RASGRF2: variants seen among roughly 807,000 people sequenced by gnomAD.
RASGRF2 encodes the protein ras-specific guanine nucleotide-releasing factor 2.
In RASGRF2, 76 loss-of-function variants were observed where a neutral mutation model predicts 151.0. The ratio of observed to expected loss-of-function variants is 0.50; its 90% CI spans 0.42 to 0.61. The LOEUF is 0.61. RASGRF2 is among the 20% of genes least tolerant of loss of function. RASGRF2 has a pLI of 0.00. For missense variants in RASGRF2, 1,148 were observed against 1,564.6 expected, an observed-to-expected ratio of 0.73 and a Z score of 4.49; for synonymous variants, 504 against 566.5, an observed-to-expected ratio of 0.89 and a Z score of 1.57.
At chr5:81,056,734 C>T (rs1053979955) in intron 2 of RASGRF2, among the ~76,000 whole-genome samples, 12 of 152,038 alleles carry the variant, frequency 7.9e-5, no homozygotes, top group Admixed American at 2.0e-4. Flanking sequence ...GTGGTGTTAA[C>T]GTCTCCCATT....
At chr5:81,190,494 G>A (rs1755133250) in intron 18 of RASGRF2, among the ~76,000 whole-genome samples, 1 of 152,182 alleles carries the variant, frequency 6.6e-6, no homozygotes, top group Non-Finnish European at 1.5e-5. Context: ...AAAATTATCT[G>A]TGTGAAGTTA....
At position 81,227,867 on chromosome 5, in the gene RASGRF2, G is replaced by C. The variant is rs1014756550; in HGVS notation, c.*2097G>C. ...GATGGTTCTGTGTGCACTTTTTCTG[G>C]AAGTTCGGACTCATTTCTTTGACCC... On this transcript the variant is annotated 3_prime_UTR_variant, in exon 27 of 27. Transcript: ENST00000265080. 6.6e-6 allele frequency: 1 copy of C among 152,112 alleles called. No individual in the cohort carries two copies. 9.4% of individuals were successfully genotyped at this position (152,112 alleles called of 1,614,324 possible). A position where few individuals can be genotyped will look rare whatever the true frequency, so the allele number is the denominator to read the frequency against.
chr5:80,961,164 C>A, intron 1 of RASGRF2, 138 bp downstream of exon 1: 1 of 975,246 alleles, frequency 1.0e-6, no homozygotes, highest in Non-Finnish European at 1.4e-6. Flanking sequence ...TCACCAGTGG[C>A]GGGACATCTC....
chr5:81,206,845 G>A lies in RASGRF2; in HGVS notation c.2907G>A (p.Arg969=), dbSNP rs1348506078. Residue 969 remains arginine, a splice_region_variant and synonymous_variant, in exon 20 of 27, where the codon AGG becomes AGA. Coordinates refer to ENST00000265080, the MANE Select transcript of RASGRF2 (RefSeq NM_006909.3). The part of the protein sequence containing the change: ...QERKAAANIL[R]ALSQDDQDDI... ...GAGGATAATTTGATATCTTTTTCAG[G>A]GCCCTTTCACAAGATGACCAAGATG... The A allele has an allele frequency of 1.2e-6, 2 of 1,607,124 alleles. No individual in the cohort carries two copies. Among genetic ancestry groups the A allele is most frequent in the Non-Finnish European group, 1.7e-6 (2 of 1,173,932 alleles).
At chr5:80,966,105 G>A (rs1247534295) in intron 1 of RASGRF2, among the ~76,000 whole-genome samples, 2 of 147,906 alleles carry the variant, frequency 1.4e-5, no homozygotes, top group African/African-American at 4.9e-5. Context: ...GTGTGTGTGT[G>A]TGTATGTGTG....
intron 18 of RASGRF2, among the ~76,000 whole-genome samples, chr5:81,195,864 G>A (rs535833107): frequency 1.3e-4 from 20 of 152,168 alleles, no homozygotes; most frequent in Admixed American, 8.5e-4. Flanking sequence ...CTCAGCCCAT[G>A]TGATCACCTC....
chr5:80,981,350 T>C (rs564948044), intron 1 of RASGRF2, among the ~76,000 whole-genome samples: 154 of 152,278 alleles, frequency 1.0e-3, no homozygotes, highest in African/African-American at 3.5e-3. Flanking sequence ...TACCTGTACT[T>C]TCTGATAGCT....
At chr5:81,177,688 A>ATTTCAAAT (rs1754807259) in intron 17 of RASGRF2, among the ~76,000 whole-genome samples, 1 of 151,836 alleles carries the variant, frequency 6.6e-6, no homozygotes, top group Non-Finnish European at 1.5e-5. Flanking sequence ...AAATGTGCTA[A>ATTTCAAAT]GTACCATAAA....
At chr5:81,165,998 T>C (rs1338980980) in intron 17 of RASGRF2, among the ~76,000 whole-genome samples, 3 of 152,088 alleles carry the variant, frequency 2.0e-5, no homozygotes, top group Non-Finnish European at 2.9e-5. Context: ...CTCAGCATCA[T>C]TGAACCTCAA....
intron 1 of RASGRF2, among the ~76,000 whole-genome samples, chr5:80,970,527 G>C (rs1747897554): frequency 6.7e-6 from 1 of 149,826 alleles, no homozygotes; most frequent in Non-Finnish European, 1.5e-5. Context: ...CCTTCTCACT[G>C]AGTCTTTCCT....
At chr5:80,992,542 ACT>A (rs777098835) in intron 1 of RASGRF2, among the ~76,000 whole-genome samples, 21 of 152,310 alleles carry the variant, frequency 1.4e-4, no homozygotes, top group Non-Finnish European at 2.6e-4. Context: ...GAGGGAAGAA[ACT>A]CTCTGACAAA....
chr5:81,115,521 GC>G (rs1753127016), intron 15 of RASGRF2, among the ~76,000 whole-genome samples: 1 of 152,182 alleles, frequency 6.6e-6, no homozygotes, highest in Non-Finnish European at 1.5e-5. Flanking sequence ...TCAGATCATG[GC>G]AAGTTTTTTC....
At chr5:81,086,449 A>ATT (rs1752230913) in intron 8 of RASGRF2, among the ~76,000 whole-genome samples, 2 of 152,182 alleles carry the variant, frequency 1.3e-5, no homozygotes, top group Non-Finnish European at 2.9e-5. Flanking sequence ...ACAAGCACTT[A>ATT]TTTATGTCTG....
At chr5:80,971,841 G>T (rs1470937023) in intron 1 of RASGRF2, among the ~76,000 whole-genome samples, 1 of 151,888 alleles carries the variant, frequency 6.6e-6, no homozygotes, top group Non-Finnish European at 1.5e-5. Context: ...AAAGTGCTGG[G>T]ATTACAGGCA....
chr5:81,201,723 C>G (rs1463513804), intron 19 of RASGRF2, among the ~76,000 whole-genome samples: 3 of 152,098 alleles, frequency 2.0e-5, no homozygotes, highest in African/African-American at 7.2e-5. Context: ...GAAAGGAACC[C>G]TTGAGGAGCC....
chr5:81,170,145 CTGCACCACCTGCATCACT>C (rs1383268033), intron 17 of RASGRF2, among the ~76,000 whole-genome samples: 1 of 152,070 alleles, frequency 6.6e-6, no homozygotes, highest in Non-Finnish European at 1.5e-5. Flanking sequence ...CCTGCATCAC[CTGCACCACCTGCATCACT>C]TGCAGCACCT....
chr5:81,030,742 C>G (rs1000369423), intron 1 of RASGRF2, among the ~76,000 whole-genome samples: 5 of 152,322 alleles, frequency 3.3e-5, no homozygotes, highest in African/African-American at 7.2e-5. Flanking sequence ...ACCGCATCAA[C>G]TAAGGAGCAA....
At chr5:81,121,959 G>C (rs891403881) in intron 15 of RASGRF2, among the ~76,000 whole-genome samples, 1 of 152,222 alleles carries the variant, frequency 6.6e-6, no homozygotes, top group Non-Finnish European at 1.5e-5. Context: ...TTGCCTGCCT[G>C]TGGGCTGAAA....
chr5:81,094,648 C>G (rs918830659), intron 11 of RASGRF2, among the ~76,000 whole-genome samples: 8 of 152,088 alleles, frequency 5.3e-5, no homozygotes, highest in African/African-American at 1.9e-4. Context: ...AACCAGGATT[C>G]TAGTCTCAAG....
Sources: allele counts gnomAD v4.1 joint callset (sites outside exome capture counted in the v4.1 genomes callset), GRCh38; gene constraint gnomAD v4.1.1; transcripts MANE v1.5; gene names NCBI Gene and HGNC (gene_info 2026-07-23, HGNC 2026-07-21).